Variants in UBL3 observed in about 807,000 individuals in gnomAD.
UBL3 encodes ubiquitin-like protein 3.
In UBL3, 6 loss-of-function variants were observed where a neutral mutation model predicts 18.4. The ratio of observed to expected loss-of-function variants is 0.33; its 90% CI spans 0.18 to 0.64. The LOEUF is 0.64. Ranked by LOEUF, UBL3 falls within the 30% of genes least tolerant of loss-of-function variation. UBL3 has a pLI of 0.76. For synonymous variants in UBL3, 49 were observed against 46.6 expected, an observed-to-expected ratio of 1.05 and a Z score of -0.21; for missense variants, 109 against 142.9, an observed-to-expected ratio of 0.76 and a Z score of 1.21.
In UBL3 at chr13:29,765,106, A is replaced by G. The variant is rs932631819; in HGVS notation, c.*2149T>C. The G allele has an allele frequency of 6.6e-6, 1 of 152,186 alleles. No homozygotes were observed. Among genetic ancestry groups the G allele is most frequent in the African/African-American group, 2.4e-5 (1 of 41,470 alleles). 9.4% of individuals were successfully genotyped at this position (152,186 alleles called of 1,614,324 possible). On this transcript the variant is annotated 3_prime_UTR_variant, in exon 5 of 5. Transcript: ENST00000380680. ...TAAATTGAGGGAAATATATAATCTG[A>G]GAACACACAGAAAAATATATTGAAA...
At chr13:29,849,361 G>A in intron 1 of UBL3, 151 bp downstream of exon 1, 1 of 981,500 alleles carries the variant, frequency 1.0e-6, no homozygotes, top group Non-Finnish European at 1.5e-6. Flanking sequence ...CCTAAAAGGG[G>A]GAAACCAGAA....
At chr13:29,769,762 A>T (rs557592956) in intron 3 of UBL3, among the ~76,000 whole-genome samples, 8 of 152,088 alleles carry the variant, frequency 5.3e-5, no homozygotes, top group Non-Finnish European at 1.2e-4. Flanking sequence ...TAAAGGTTCT[A>T]TTTTAAAAAG....
At chr13:29,778,517 T>TTA (rs945566236) in intron 1 of UBL3, among the ~76,000 whole-genome samples, 1 of 152,196 alleles carries the variant, frequency 6.6e-6, no homozygotes, top group African/African-American at 2.4e-5. Context: ...CCTAGTTTCT[T>TTA]TATATATAAA....
chr13:29,779,267 C>T (rs1385939743), intron 1 of UBL3: 1 of 500,818 alleles, frequency 2.0e-6, no homozygotes, highest in Non-Finnish European at 4.0e-6. Context: ...TCATGGTTTT[C>T]TCTTAATGTA....
chr13:29,836,210 G>A (rs1402921003), intron 1 of UBL3, among the ~76,000 whole-genome samples: 3 of 152,100 alleles, frequency 2.0e-5, no homozygotes, highest in Non-Finnish European at 2.9e-5. Context: ...ATGGCTCCAA[G>A]AGACGTCTGA....
At chr13:29,768,844 A>C (rs1385158513) in intron 3 of UBL3, among the ~76,000 whole-genome samples, 1 of 152,102 alleles carries the variant, frequency 6.6e-6, no homozygotes, top group African/African-American at 2.4e-5. Context: ...ATTTTCACTA[A>C]ATAGTTGGGA....
chr13:29,823,731 C>T (rs1283039497), intron 1 of UBL3, among the ~76,000 whole-genome samples: 5 of 152,022 alleles, frequency 3.3e-5, no homozygotes, highest in Non-Finnish European at 7.4e-5. Flanking sequence ...TTTTATTATA[C>T]TTTAAGTTCT....
chr13:29,800,497 A>T (rs1186572794), intron 1 of UBL3, among the ~76,000 whole-genome samples: 1 of 152,228 alleles, frequency 6.6e-6, no homozygotes, highest in Non-Finnish European at 1.5e-5. Flanking sequence ...AAATTGATTC[A>T]ATGTAAATAA....
chr13:29,778,726 T>C (rs1252522071), intron 1 of UBL3, among the ~76,000 whole-genome samples: 1 of 152,206 alleles, frequency 6.6e-6, no homozygotes, highest in African/African-American at 2.4e-5. Context: ...CCAATGTCAC[T>C]CCCAGCACCT....
chr13:29,801,287 C>T (rs780618405), intron 1 of UBL3, among the ~76,000 whole-genome samples: 4 of 152,174 alleles, frequency 2.6e-5, no homozygotes, highest in Non-Finnish European at 5.9e-5. Flanking sequence ...AATAGCCATC[C>T]TACCCCCAGC....
At chr13:29,791,438 CTAAGGT>C (rs1256732608) in intron 1 of UBL3, among the ~76,000 whole-genome samples, 1 of 152,156 alleles carries the variant, frequency 6.6e-6, no homozygotes, top group Non-Finnish European at 1.5e-5. Context: ...AACTGGGACA[CTAAGGT>C]TAAGTAACTC....
At position 29,768,486 on chromosome 13, in the gene UBL3, C is replaced by T. The variant is rs1020736349; in HGVS notation, c.224-791G>A. Among the ~76,000 whole-genome samples, 13 of 152,060 alleles carry T rather than the reference C, an allele frequency of 8.5e-5. 1 individual carries two copies. The highest frequency in any genetic ancestry group is 1.3e-4 in the Admixed American group (2 of 15,240). On this transcript the variant is annotated intron_variant, in intron 3 of 4. Coordinates refer to ENST00000380680, the MANE Select transcript of UBL3 (RefSeq NM_007106.4). ...TAGTTCTGACACCTCAAACTACCCT[C>T]TCTTCAAAAACTACAAACTGAAGTA... is the stretch of plus-strand genomic sequence containing the variant.
At chr13:29,808,847 G>A (rs1198754517) in intron 1 of UBL3, among the ~76,000 whole-genome samples, 1 of 152,048 alleles carries the variant, frequency 6.6e-6, no homozygotes, top group Non-Finnish European at 1.5e-5. Context: ...GGAAGTAGTA[G>A]TTGCATTCAA....
Position 29,824,352 on chromosome 13 carries a change from A to C in UBL3, c.27+25160T>G, listed in dbSNP as rs1428601447. Reference sequence around the variant, plus strand: ...ACTGTAAAAGTGTTCCTATTTCTCCACATCCTCTCCAGCACCTGTTGTTTC... The same window carrying C: ...ACTGTAAAAGTGTTCCTATTTCTCCCCATCCTCTCCAGCACCTGTTGTTTC... On this transcript the variant is annotated intron_variant, in intron 1 of 4. Transcript: ENST00000380680. Among the ~76,000 whole-genome samples the C allele has an allele frequency of 2.0e-5, 3 of 152,152 alleles. No individual in the cohort carries two copies. The East Asian group carries it at 5.8e-4, about 29-fold the overall frequency.
intron 1 of UBL3, among the ~76,000 whole-genome samples, chr13:29,804,571 T>C (rs914960296): frequency 6.6e-5 from 10 of 151,760 alleles, no homozygotes; most frequent in African/African-American, 2.4e-4. Flanking sequence ...GACTACTAGC[T>C]AGAAAAAAGG....
chr13:29,839,931 GAAAA>G (rs35669312), intron 1 of UBL3, among the ~76,000 whole-genome samples: 2 of 120,508 alleles, frequency 1.7e-5, no homozygotes. Context: ...CGTCTCGGGG[GAAAA>G]AAAAAAAAAA....
intron 1 of UBL3, among the ~76,000 whole-genome samples, chr13:29,845,266 T>C (rs569527239): frequency 2.1e-4 from 32 of 152,202 alleles, no homozygotes; most frequent in African/African-American, 7.5e-4. Context: ...AAATACCAAA[T>C]AGGAGACATT....
At chr13:29,826,443 G>C (rs988589866) in intron 1 of UBL3, among the ~76,000 whole-genome samples, 2 of 152,208 alleles carry the variant, frequency 1.3e-5, no homozygotes, top group East Asian at 3.9e-4. Context: ...TATGTGTCCA[G>C]GAATTTATCC....
At chr13:29,806,124 TCAAGATTGCACCACTG>T (rs1291977257) in intron 1 of UBL3, among the ~76,000 whole-genome samples, 6 of 151,960 alleles carry the variant, frequency 3.9e-5, no homozygotes, top group Admixed American at 2.6e-4. Context: ...TTGCAGTGAG[TCAAGATTGCACCACTG>T]CACTCCAGCC....
Sources: gnomAD v4.1 joint callset for allele counts (sites outside exome capture counted in the v4.1 genomes callset) on GRCh38, gnomAD v4.1.1 for gene constraint, MANE v1.5 for transcripts, NCBI Gene and HGNC (gene_info 2026-07-23, HGNC 2026-07-21) for gene names.